Variants in POLN observed in about 807,000 individuals in gnomAD.
POLN encodes DNA polymerase nu, also known as DNA polymerase N.
Under a neutral mutation model 113.5 loss-of-function variants are expected in POLN, and 108 were observed. That is an observed-to-expected ratio of 0.95 (90% CI 0.81 to 1.12). The LOEUF is 1.12. POLN is among the 50% of genes most tolerant of loss of function. The probability of loss-of-function intolerance (pLI) is 0.00; values close to 1 mark genes in which losing one functional copy is unlikely to be tolerated. For synonymous variants in POLN, 386 were observed against 391.5 expected, an observed-to-expected ratio of 0.99 and a Z score of 0.17; for missense variants, 1,097 against 1,077.1, an observed-to-expected ratio of 1.02 and a Z score of -0.26.
At chr4:2,162,614 G>A (rs1381156850) in intron 13 of POLN, among the ~76,000 whole-genome samples, 4 of 152,094 alleles carry the variant, frequency 2.6e-5, no homozygotes, top group Non-Finnish European at 5.9e-5. Flanking sequence ...ATGCCACCAT[G>A]CCCAGCTAAT....
intron 2 of POLN, chr4:2,232,077 C>T (rs1414386485): frequency 6.2e-7 from 1 of 1,601,620 alleles, no homozygotes; most frequent in Admixed American, 1.7e-5. Flanking sequence ...TTCTTTTTGT[C>T]TTCACATCAG....
At chr4:2,098,785 T>TA (rs921920129) in intron 19 of POLN, among the ~76,000 whole-genome samples, 6 of 152,242 alleles carry the variant, frequency 3.9e-5, no homozygotes, top group Admixed American at 6.5e-5. Context: ...CATTCTCCAG[T>TA]AAAAAATGGG....
intron 16 of POLN, among the ~76,000 whole-genome samples, chr4:2,151,263 C>CTA (rs1732289133): frequency 6.6e-6 from 1 of 152,178 alleles, no homozygotes; most frequent in African/African-American, 2.4e-5. Flanking sequence ...TGCAATGAGA[C>CTA]ACCACAAGAC....
intron 23 of POLN, among the ~76,000 whole-genome samples, chr4:2,077,296 G>C (rs1560965081): frequency 6.6e-6 from 1 of 152,256 alleles, no homozygotes; most frequent in South Asian, 2.1e-4. Flanking sequence ...CGTGATGGGA[G>C]AAAAGTCTGC....
intron 4 of POLN, 89 bp downstream of exon 4, chr4:2,212,958 A>G (rs1425024924): frequency 5.1e-6 from 4 of 787,646 alleles, no homozygotes; most frequent in Non-Finnish European, 7.6e-6. Flanking sequence ...TGGTATCTAC[A>G]GTGCCTAGCA....
chr4:2,241,090 C>T (rs1734970432), intron 2 of POLN: 1 of 634,108 alleles, frequency 1.6e-6, no homozygotes, highest in Non-Finnish European at 2.6e-6. Flanking sequence ...TATAATGATT[C>T]CTCCTAGGGG....
At chr4:2,181,426 G>A (rs986423134) in intron 7 of POLN, among the ~76,000 whole-genome samples, 46 of 151,638 alleles carry the variant, frequency 3.0e-4, no homozygotes, top group Non-Finnish European at 5.1e-4. Flanking sequence ...GATTACAGGC[G>A]TAAGCCACTG....
intron 11 of POLN, among the ~76,000 whole-genome samples, chr4:2,171,769 A>G (rs1732867905): frequency 6.6e-6 from 1 of 152,138 alleles, no homozygotes; most frequent in Non-Finnish European, 1.5e-5. Context: ...GTGAGACCTC[A>G]TCTCTACAAA....
Position 2,080,854 on chromosome 4 carries a change from C to T in POLN, c.2387+104G>A, listed in dbSNP as rs887076362. ...AGAGCCTCAGGAGGGGACGGGGGCC[C>T]GATAAGCAGAGATGGTGATCATCAG... On this transcript the variant is annotated intron_variant, in intron 23 of 25. Transcript: ENST00000511885. 1.1e-5 allele frequency: 17 copies of T among 1,592,500 alleles called. No individual in the cohort carries two copies. The East Asian group carries it at 1.1e-4, about 11-fold the overall frequency.
chr4:2,125,953 G>T (rs1731568449), intron 19 of POLN, among the ~76,000 whole-genome samples: 1 of 152,158 alleles, frequency 6.6e-6, no homozygotes, highest in Admixed American at 6.5e-5. Flanking sequence ...GGCCCCGATT[G>T]GGGTGGAGGC....
At chr4:2,105,380 A>G (rs1052635632) in intron 19 of POLN, among the ~76,000 whole-genome samples, 2 of 152,134 alleles carry the variant, frequency 1.3e-5, no homozygotes, top group African/African-American at 4.8e-5. Context: ...TGCAATTTGA[A>G]AACTTCCTTG....
chr4:2,160,281 CTTAG>C (rs1333531867), intron 13 of POLN, among the ~76,000 whole-genome samples: 4 of 152,110 alleles, frequency 2.6e-5, no homozygotes, highest in Non-Finnish European at 4.4e-5. Flanking sequence ...GTGTCTTTTG[CTTAG>C]TTAAAAAATT....
chr4:2,091,802 C>CGT (rs1553893101), intron 20 of POLN, among the ~76,000 whole-genome samples: 5 of 126,066 alleles, frequency 4.0e-5, no homozygotes, highest in African/African-American at 1.4e-4. Flanking sequence ...TGTGTGTGTG[C>CGT]GCGCGCTACA....
At chr4:2,132,098 A>C (rs373684416) in intron 16 of POLN, among the ~76,000 whole-genome samples, 5 of 152,336 alleles carry the variant, frequency 3.3e-5, no homozygotes, top group East Asian at 1.9e-4. Flanking sequence ...TGGTAAGGCC[A>C]CATTGTCATC....
chr4:2,202,887 A>C (rs1230142740), intron 5 of POLN, among the ~76,000 whole-genome samples: 1 of 152,180 alleles, frequency 6.6e-6, no homozygotes, highest in Non-Finnish European at 1.5e-5. Context: ...GTAGACAGCA[A>C]AGCAGTAATA....
intron 5 of POLN, among the ~76,000 whole-genome samples, chr4:2,202,799 A>G (rs1013137875): frequency 1.3e-5 from 2 of 151,942 alleles, no homozygotes; most frequent in South Asian, 4.1e-4. Flanking sequence ...ACAGGAAAAT[A>G]TCACAATCTT....
chr4:2,121,787 TAAC>T (rs1731450471), intron 19 of POLN, among the ~76,000 whole-genome samples: 2 of 152,030 alleles, frequency 1.3e-5, no homozygotes, highest in African/African-American at 4.8e-5. Context: ...TTCAAAGAGC[TAAC>T]TTTTTTTTTT....
chr4:2,164,807 A>G (rs1423242649), intron 13 of POLN, among the ~76,000 whole-genome samples: 1 of 83,300 alleles, frequency 1.2e-5, no homozygotes, highest in Admixed American at 1.2e-4. Flanking sequence ...TGTCTCAAAA[A>G]AAAAAAAAAA....
At chr4:2,156,729 A>T in intron 16 of POLN, 59 bp downstream of exon 16, 1 of 1,429,962 alleles carries the variant, frequency 7.0e-7, no homozygotes, top group South Asian at 1.1e-5. Flanking sequence ...TGGAGAAAAA[A>T]CTTCAATAGC....
Sources: allele counts gnomAD v4.1 joint callset (sites outside exome capture counted in the v4.1 genomes callset), GRCh38; gene constraint gnomAD v4.1.1; transcripts MANE v1.5; gene names NCBI Gene and HGNC (gene_info 2026-07-23, HGNC 2026-07-21).